The following RGS7 variants were observed in gnomAD, a reference collection of about 807,000 sequenced individuals.
RGS7 encodes the protein regulator of G-protein signaling 7.
RGS7 carries 27 observed loss-of-function variants against 81.1 expected under a neutral mutation model. The ratio of observed to expected loss-of-function variants is 0.33; its 90% confidence interval spans 0.25 to 0.46. The LOEUF is 0.46. Ranked by LOEUF, RGS7 falls within the 20% of genes least tolerant of loss-of-function variation. The pLI is 1.00. For synonymous variants in RGS7, 208 were observed against 207.7 expected (o/e 1.00, Z -0.01); for missense variants, 396 against 607.4 (o/e 0.65, Z 3.66).
chr1:241,152,728 T>G (rs61407826), intron 2 of RGS7, among the ~76,000 whole-genome samples: 10,237 of 152,268 alleles, frequency 0.067, 636 homozygotes, highest in East Asian at 0.17. Flanking sequence ...CTGCCGAGCA[T>G]TTCGTATATG....
At chr1:240,789,710 AC>A (rs1242126073) in intron 18 of RGS7, among the ~76,000 whole-genome samples, 1 of 151,892 alleles carries the variant, frequency 6.6e-6, no homozygotes, top group Non-Finnish European at 1.5e-5. Flanking sequence ...CTGCTCTCAA[AC>A]CCTGTTTCCT....
At chr1:241,118,368 G>A (rs2066015645) in intron 2 of RGS7, among the ~76,000 whole-genome samples, 1 of 152,146 alleles carries the variant, frequency 6.6e-6, no homozygotes, top group Admixed American at 6.6e-5. Flanking sequence ...GCAAAGAGCT[G>A]TCTAACCTCA....
At chr1:240,886,794 G>A (rs374635) in intron 6 of RGS7, among the ~76,000 whole-genome samples, 71,755 of 152,012 alleles carry the variant, frequency 0.47, 17,118 homozygotes, top group East Asian at 0.53. Flanking sequence ...CCAGCAACAT[G>A]GGGAAGAAAA....
chr1:241,016,355 T>TA (rs575412208), intron 3 of RGS7, among the ~76,000 whole-genome samples: 3 of 151,818 alleles, frequency 2.0e-5, no homozygotes, highest in African/African-American at 7.3e-5. Context: ...CTGTCTCTAC[T>TA]AAAAATACAA....
At position 240,885,163 on chromosome 1, in the gene RGS7, C is replaced by G. The variant is rs75213927; in HGVS notation, c.386-15044G>C. Among the ~76,000 whole-genome samples the G allele has an allele frequency of 2.6e-5, 4 of 152,306 alleles. 1 individual carries two copies. The highest frequency in any genetic ancestry group is 9.6e-5 in the African/African-American group (4 of 41,572). On this transcript the variant is annotated intron_variant, in intron 6 of 18. Transcript: ENST00000440928. ...CACATGATAAAAAGGTTCAATGTCA[C>G]TGATCATTAGAGAAATGCAAATCAA...
At chr1:241,041,467 G>A (rs1383238744) in intron 3 of RGS7, among the ~76,000 whole-genome samples, 1 of 152,004 alleles carries the variant, frequency 6.6e-6, no homozygotes, top group Non-Finnish European at 1.5e-5. Flanking sequence ...TCTCTCATGA[G>A]TATTTTACAT....
chr1:241,071,874 C>CAAAAAA (rs58217460), intron 3 of RGS7, among the ~76,000 whole-genome samples: 2,180 of 56,704 alleles, frequency 0.038, 505 homozygotes, highest in Middle Eastern at 0.076. Flanking sequence ...GAGACCCTGT[C>CAAAAAA]AAAAAAAAAA....
chr1:240,899,004 T>G (rs1289380093), intron 6 of RGS7, among the ~76,000 whole-genome samples: 2 of 152,224 alleles, frequency 1.3e-5, no homozygotes, highest in African/African-American at 4.8e-5. Context: ...TAGTTAGCTC[T>G]TCTTATTGAA....
intron 13 of RGS7, 29 bp from the exon 14 acceptor site, chr1:240,812,072 A>C: frequency 6.2e-7 from 1 of 1,613,578 alleles, no homozygotes; most frequent in Non-Finnish European, 8.5e-7. Flanking sequence ...AGGCAAATAC[A>C]TTCCTTTCAT....
chr1:240,920,516 T>C, intron 6 of RGS7: 2 of 856,408 alleles, frequency 2.3e-6, no homozygotes, highest in Non-Finnish European at 4.0e-6. Flanking sequence ...CTGGCCTCTA[T>C]GGTGATGGAG....
At chr1:241,240,878 C>T (rs2076229307) in intron 2 of RGS7, among the ~76,000 whole-genome samples, 1 of 152,180 alleles carries the variant, frequency 6.6e-6, no homozygotes, top group Admixed American at 6.5e-5. Context: ...TCATATTTTG[C>T]ACTCTTCTGA....
chr1:241,218,603 T>TTA (rs1465621013), intron 2 of RGS7, among the ~76,000 whole-genome samples: 5 of 152,200 alleles, frequency 3.3e-5, no homozygotes, highest in African/African-American at 9.6e-5. Context: ...CCTGGGTTTC[T>TTA]GACTCCTTAG....
At chr1:241,140,544 C>T (rs991771316) in intron 2 of RGS7, among the ~76,000 whole-genome samples, 12 of 152,170 alleles carry the variant, frequency 7.9e-5, no homozygotes, top group African/African-American at 1.2e-4. Flanking sequence ...GCTAGGACTA[C>T]GGGCAAGTGC....
chr1:241,013,792 A>G (rs1360101451), intron 3 of RGS7, among the ~76,000 whole-genome samples: 2 of 152,238 alleles, frequency 1.3e-5, no homozygotes, highest in African/African-American at 2.4e-5. Flanking sequence ...GACATTACCT[A>G]TCTCCATTGT....
At chr1:240,807,569 G>C (rs1031589086) in intron 14 of RGS7, among the ~76,000 whole-genome samples, 4 of 152,182 alleles carry the variant, frequency 2.6e-5, no homozygotes, top group African/African-American at 9.7e-5. Context: ...TCAGTCTAGT[G>C]ATTTTTGAGT....
chr1:241,128,954 T>C (rs1048336287), intron 2 of RGS7, among the ~76,000 whole-genome samples: 2 of 152,094 alleles, frequency 1.3e-5, no homozygotes. Context: ...ACAACTAAAT[T>C]GATTATTATA....
intron 2 of RGS7, among the ~76,000 whole-genome samples, chr1:241,228,506 G>A (rs2075461024): frequency 6.6e-6 from 1 of 152,124 alleles, no homozygotes; most frequent in African/African-American, 2.4e-5. Flanking sequence ...GAACAGATAA[G>A]AAACCCAAGG....
At chr1:241,181,592 T>G (rs971757323) in intron 2 of RGS7, among the ~76,000 whole-genome samples, 1 of 152,202 alleles carries the variant, frequency 6.6e-6, no homozygotes, top group African/African-American at 2.4e-5. Context: ...GTTATACTGA[T>G]GGTGGCCAGA....
intron 2 of RGS7, among the ~76,000 whole-genome samples, chr1:241,158,982 A>G (rs2069406483): frequency 6.6e-6 from 1 of 152,192 alleles, no homozygotes; most frequent in Non-Finnish European, 1.5e-5. Flanking sequence ...TTTCTGCAAT[A>G]TGTCTCAAAA....
Sources: gnomAD v4.1 joint callset for allele counts (sites outside exome capture counted in the v4.1 genomes callset) on GRCh38, gnomAD v4.1.1 for gene constraint, MANE v1.5 for transcripts, NCBI Gene and HGNC (gene_info 2026-07-23, HGNC 2026-07-21) for gene names.